Variants in DLG2 observed in about 807,000 individuals in gnomAD.
DLG2 encodes the protein discs large MAGUK scaffold protein 2, also known as disks large homolog 2.
Under a neutral mutation model 132.5 loss-of-function variants are expected in DLG2, and 45 were observed. The ratio of observed to expected loss-of-function variants is 0.34; its 90% CI spans 0.27 to 0.44. The LOEUF (loss-of-function observed/expected upper bound fraction) is 0.44, where lower values mean the gene tolerates loss of function less well. DLG2 is among the 20% of genes least tolerant of loss of function. The pLI is 1.00. For synonymous variants in DLG2, 424 were observed against 419.6 expected (o/e 1.01, Z -0.13); for missense variants, 1,045 against 1,196.9 (o/e 0.87, Z 1.87).
chr11:83,991,804 G>C (rs1162600222), intron 11 of DLG2, among the ~76,000 whole-genome samples: 2 of 152,096 alleles, frequency 1.3e-5, no homozygotes, highest in African/African-American at 4.8e-5. Flanking sequence ...ATGTCCCCCA[G>C]AAAGATGTGC....
intron 7 of DLG2, among the ~76,000 whole-genome samples, chr11:84,494,651 C>G (rs1007045228): frequency 2.5e-4 from 38 of 152,056 alleles, no homozygotes; most frequent in African/African-American, 9.2e-4. Context: ...GAAAGAGGAC[C>G]AGAGGAAAGC....
In DLG2 at chr11:84,265,369, C is replaced by T. The variant is rs533798685; in HGVS notation, c.520-14078G>A. On this transcript the variant is annotated intron_variant, in intron 7 of 27. Coordinates refer to ENST00000376104, the MANE Select transcript of DLG2 (RefSeq NM_001142699.3). Reference sequence around the variant, plus strand: ...AATGCTAAAAAGTTATATATAACATCTAATTTTACATTGGATGAAACTTAG... The same window carrying T: ...AATGCTAAAAAGTTATATATAACATTTAATTTTACATTGGATGAAACTTAG... 2.0e-5 allele frequency among the ~76,000 whole-genome samples: 3 copies of T among 152,222 alleles called. No individual in the cohort carries two copies. In the East Asian group the frequency reaches 5.8e-4, roughly 29 times the overall value.
At chr11:84,647,632 A>G (rs1193531264) in intron 6 of DLG2, among the ~76,000 whole-genome samples, 1 of 152,204 alleles carries the variant, frequency 6.6e-6, no homozygotes, top group East Asian at 1.9e-4. Flanking sequence ...TAGCCATTAG[A>G]TCATAAATTC....
chr11:84,616,728 C>T (rs2099605021), intron 6 of DLG2, among the ~76,000 whole-genome samples: 1 of 152,036 alleles, frequency 6.6e-6, no homozygotes, highest in South Asian at 2.1e-4. Context: ...AATTGCCTAC[C>T]CTTGCACTGT....
intron 18 of DLG2, among the ~76,000 whole-genome samples, chr11:83,734,405 T>TTCCC (rs1400509806): frequency 1.1e-4 from 12 of 112,548 alleles, no homozygotes; most frequent in East Asian, 5.7e-4. Flanking sequence ...CCTTCCTTCC[T>TTCCC]TCCCTCCCTC....
chr11:83,973,811 A>G (rs1345376199), intron 12 of DLG2, among the ~76,000 whole-genome samples: 1 of 152,124 alleles, frequency 6.6e-6, no homozygotes, highest in African/African-American at 2.4e-5. Context: ...GCTTATCTTG[A>G]GATTCAAATG....
intron 6 of DLG2, among the ~76,000 whole-genome samples, chr11:84,823,353 T>A (rs937919279): frequency 6.6e-6 from 1 of 151,804 alleles, no homozygotes; most frequent in Non-Finnish European, 1.5e-5. Flanking sequence ...GTTTGTCTCT[T>A]ACTGTGTTCA....
intron 8 of DLG2, among the ~76,000 whole-genome samples, chr11:84,193,601 T>C (rs550312880): frequency 3.8e-4 from 58 of 152,332 alleles, no homozygotes; most frequent in Middle Eastern, 6.8e-3. Context: ...TTTTCCACTT[T>C]TGATTAAACC....
At chr11:84,684,144 G>A (rs2099735991) in intron 6 of DLG2, among the ~76,000 whole-genome samples, 1 of 152,124 alleles carries the variant, frequency 6.6e-6, no homozygotes, top group South Asian at 2.1e-4. Flanking sequence ...GATGCAATGT[G>A]TATTTATTTT....
intron 3 of DLG2, among the ~76,000 whole-genome samples, chr11:85,423,839 C>T (rs2152999132): frequency 6.6e-6 from 1 of 152,256 alleles, no homozygotes; most frequent in Middle Eastern, 3.4e-3. Context: ...TGAGAACTTG[C>T]CCCACTACCT....
chr11:84,339,677 A>C (rs2098505133), intron 7 of DLG2, among the ~76,000 whole-genome samples: 1 of 152,160 alleles, frequency 6.6e-6, no homozygotes, highest in East Asian at 1.9e-4. Context: ...ATCATCCCTT[A>C]GGAAGCAGAG....
At chr11:83,554,958 T>G (rs373611141) in intron 19 of DLG2, among the ~76,000 whole-genome samples, 15 of 152,236 alleles carry the variant, frequency 9.9e-5, no homozygotes, top group Admixed American at 2.0e-4. Context: ...TTTTGGAATT[T>G]AGAGACAAAA....
intron 6 of DLG2, among the ~76,000 whole-genome samples, chr11:84,987,189 G>C (rs2056592594): frequency 1.3e-5 from 2 of 151,954 alleles, no homozygotes; most frequent in Admixed American, 1.3e-4. Context: ...AAATACTTAG[G>C]AATATACCTA....
chr11:84,185,190 C>T (rs12802230), intron 8 of DLG2, among the ~76,000 whole-genome samples: 9,541 of 151,586 alleles, frequency 0.063, 372 homozygotes, highest in African/African-American at 0.097. Flanking sequence ...ATATTGATTC[C>T]TCCTATCCAC....
intron 7 of DLG2, among the ~76,000 whole-genome samples, chr11:84,516,428 T>C (rs1336322014): frequency 6.6e-6 from 1 of 151,582 alleles, no homozygotes; most frequent in Non-Finnish European, 1.5e-5. Context: ...CATAGGAGAC[T>C]ATTATGAACT....
intron 6 of DLG2, among the ~76,000 whole-genome samples, chr11:84,540,169 A>G (rs552465441): frequency 3.9e-5 from 6 of 152,180 alleles, no homozygotes; most frequent in Non-Finnish European, 8.8e-5. Context: ...AGCAATGGCA[A>G]CAAAAGCCAA....
At chr11:85,274,201 T>A (rs1335444823) in intron 4 of DLG2, among the ~76,000 whole-genome samples, 3 of 152,196 alleles carry the variant, frequency 2.0e-5, no homozygotes, top group Non-Finnish European at 4.4e-5. Flanking sequence ...CATGTATACA[T>A]ATGTAACAAA....
intron 6 of DLG2, among the ~76,000 whole-genome samples, chr11:84,861,686 A>C (rs1283340378): frequency 6.9e-6 from 1 of 145,520 alleles, no homozygotes; most frequent in Non-Finnish European, 1.5e-5. Context: ...ACAGAATGGG[A>C]GAAAATTCTG....
chr11:83,961,103 C>T (rs752929387), intron 14 of DLG2, among the ~76,000 whole-genome samples: 2 of 151,972 alleles, frequency 1.3e-5, no homozygotes, highest in Non-Finnish European at 2.9e-5. Flanking sequence ...AGATAACATT[C>T]GTTGAGTACT....
Sources: allele counts gnomAD v4.1 joint callset (sites outside exome capture counted in the v4.1 genomes callset), GRCh38; gene constraint gnomAD v4.1.1; transcripts MANE v1.5; gene names NCBI Gene and HGNC (gene_info 2026-07-23, HGNC 2026-07-21).